The following IFT74 variants were observed in gnomAD, a reference collection of about 807,000 sequenced individuals.
IFT74 encodes intraflagellar transport 74.
IFT74 carries 92 observed loss-of-function variants against 96.7 expected under a neutral mutation model. The observed-to-expected ratio is 0.95, with a 90% CI of 0.80 to 1.13. The LOEUF is 1.13. IFT74 is among the 50% of genes most tolerant of loss of function. IFT74 has a pLI of 0.00. For missense variants in IFT74, 811 were observed against 698.2 expected (o/e 1.16, Z -1.82); for synonymous variants, 223 against 213.2 (o/e 1.05, Z -0.40).
intron 10 of IFT74, among the ~76,000 whole-genome samples, chr9:27,014,220 A>T (rs992004086): frequency 6.6e-6 from 1 of 152,202 alleles, no homozygotes; most frequent in Non-Finnish European, 1.5e-5. Flanking sequence ...GTCTAAAAAA[A>T]GTAAAAAAAA....
rs574417761 is a variant in IFT74, at chr9:27,042,271, A to G, written c.1055-2471A>G. 9.2e-5 allele frequency among the ~76,000 whole-genome samples: 14 copies of G among 152,310 alleles called. No homozygotes were observed. In the East Asian group the frequency reaches 2.7e-3, roughly 29 times the overall value. ...AAGAATGTATGAAATTGCCATGGAT[A>G]TAGCGTTAGAAGTTCATTAAGAACA... On this transcript the variant is annotated intron_variant, in intron 13 of 19. Transcript: ENST00000380062.
rs568792545 is a variant in IFT74, at chr9:26,970,197, T to A, written c.121-7931T>A. Reference sequence around the variant, plus strand: ...GGCATTGCAAAAATGACTTTTTCTTTGCAGTGACTTCACCTATTTAATATT... The same window carrying A: ...GGCATTGCAAAAATGACTTTTTCTTAGCAGTGACTTCACCTATTTAATATT... On this transcript the variant is annotated intron_variant, in intron 2 of 19. Transcript: ENST00000380062. Among the ~76,000 whole-genome samples, 3 of 152,326 alleles carry A rather than the reference T, an allele frequency of 2.0e-5. No homozygotes were observed. In the East Asian group the frequency reaches 5.8e-4, roughly 29 times the overall value.
At chr9:27,042,145 G>A (rs1425168617) in intron 13 of IFT74, among the ~76,000 whole-genome samples, 1 of 152,122 alleles carries the variant, frequency 6.6e-6, no homozygotes, top group Non-Finnish European at 1.5e-5. Flanking sequence ...ACTGAGTTAG[G>A]ATGTCCTGAA....
chr9:27,025,369 G>A (rs1829809327), intron 12 of IFT74, among the ~76,000 whole-genome samples: 1 of 151,052 alleles, frequency 6.6e-6, no homozygotes, highest in South Asian at 2.1e-4. Context: ...CTTGAACCTG[G>A]GAGGTGGAGG....
chr9:26,974,632 C>T (rs965508634), intron 2 of IFT74, among the ~76,000 whole-genome samples: 38 of 151,976 alleles, frequency 2.5e-4, no homozygotes, highest in Admixed American at 2.2e-3. Flanking sequence ...ATTTTTGGTC[C>T]GCGGTAGGGA....
At chr9:26,971,445 A>T (rs890176530) in intron 2 of IFT74, among the ~76,000 whole-genome samples, 1 of 152,146 alleles carries the variant, frequency 6.6e-6, no homozygotes, top group Non-Finnish European at 1.5e-5. Context: ...GACCTCCCTC[A>T]TGAGAGGTTT....
intron 13 of IFT74, among the ~76,000 whole-genome samples, chr9:27,043,869 A>G (rs1278833844): frequency 1.3e-5 from 2 of 152,122 alleles, no homozygotes; most frequent in African/African-American, 4.8e-5. Context: ...TCTTTCACCC[A>G]GATTATCCTG....
At chr9:27,058,893 T>A (rs1437299142) in intron 18 of IFT74, among the ~76,000 whole-genome samples, 1 of 152,244 alleles carries the variant, frequency 6.6e-6, no homozygotes, top group Non-Finnish European at 1.5e-5. Context: ...TATAGACTTA[T>A]AATTGACACA....
chr9:27,066,070 T>C lies in IFT74; in HGVS notation c.*3334T>C, dbSNP rs987143973. On this transcript the variant is annotated 3_prime_UTR_variant, in exon 20 of 20. Transcript: ENST00000380062. ...TACGCATCTATATTTATGTCACACATATCTGTTTTATTTATGTATTTATGC... is the reference window on the plus strand; with the variant it reads ...TACGCATCTATATTTATGTCACACACATCTGTTTTATTTATGTATTTATGC... 6.6e-6 allele frequency among the ~76,000 whole-genome samples: 1 copy of C among 152,248 alleles called. No homozygotes were observed. The highest frequency in any genetic ancestry group is 2.4e-5 in the African/African-American group (1 of 41,468).
intron 8 of IFT74, among the ~76,000 whole-genome samples, chr9:27,006,237 A>G (rs1183852946): frequency 6.6e-6 from 1 of 152,204 alleles, no homozygotes; most frequent in Non-Finnish European, 1.5e-5. Flanking sequence ...GAAAATGCAT[A>G]CTTTTGAAAG....
At chr9:26,950,310 C>CAA (rs768360968) in intron 1 of IFT74, among the ~76,000 whole-genome samples, 6,021 of 123,986 alleles carry the variant, frequency 0.049, 175 homozygotes, top group South Asian at 0.12. Flanking sequence ...GACTCTGTCT[C>CAA]AAAAAAAAAA....
intron 8 of IFT74, chr9:26,992,992 A>G (rs1731993552): frequency 6.6e-6 from 1 of 152,240 alleles, no homozygotes; most frequent in South Asian, 2.1e-4. Context: ...ATATTACAAC[A>G]ACAATATGTA....
At chr9:26,975,657 C>T (rs116698655) in intron 2 of IFT74, among the ~76,000 whole-genome samples, 5,817 of 152,208 alleles carry the variant, frequency 0.038, 134 homozygotes, top group Middle Eastern at 0.065. Context: ...TAGGCCTTTC[C>T]CTGGAGCTTC....
In IFT74 at chr9:27,055,756, G is replaced by T. The variant is rs753783273; in HGVS notation, c.1481G>T (p.Gly494Val). The change falls in exon 17 of 20, where the codon GGT becomes GTT. Residue 494 changes from glycine to valine, a missense_variant. By Grantham distance (109) the Gly-to-Val change is moderately radical. Transcript: ENST00000380062. ...GATTTGCCAGCTTTAAAATCATCAG[G>T]TGAAGAAAAGATAAAGGTAAATGTT... ...YNDLPALKSS[G>V]EEKIKKLHQE... The T allele has an allele frequency of 1.3e-6, 2 of 1,540,196 alleles. No homozygotes were observed. Among genetic ancestry groups the T allele is most frequent in the Non-Finnish European group, 1.7e-6 (2 of 1,151,228 alleles).
chr9:27,028,883 T>A (rs1364126115), intron 12 of IFT74, 142 bp from the exon 13 acceptor site: 1 of 689,776 alleles, frequency 1.4e-6, no homozygotes. Flanking sequence ...TCATCGTCAG[T>A]TATAGTATTG....
intron 4 of IFT74, among the ~76,000 whole-genome samples, chr9:26,981,003 G>A (rs567222029): frequency 1.3e-5 from 2 of 152,226 alleles, no homozygotes; most frequent in Admixed American, 1.3e-4. Flanking sequence ...GTGTCTGGTG[G>A]GCACCTGTTT....
rs867895692 is a variant in IFT74, at chr9:27,005,363, C to A, written c.588-3657C>A. 2.4e-4 allele frequency among the ~76,000 whole-genome samples: 24 copies of A among 99,144 alleles called. 3 individuals are homozygous for A. Among genetic ancestry groups the A allele is most frequent in the Non-Finnish European group, 3.6e-4 (17 of 47,190 alleles). 65.0% of individuals were successfully genotyped at this position (99,144 alleles called of 152,430 possible). ...TAGATGAAACCATTTCCCCCCCCGCCCCCCGCAAAACAATTACTTAGTATT... is the reference window on the plus strand; with the variant it reads ...TAGATGAAACCATTTCCCCCCCCGCACCCCGCAAAACAATTACTTAGTATT... On this transcript the variant is annotated intron_variant, in intron 8 of 19. Coordinates refer to ENST00000380062, the MANE Select transcript of IFT74 (RefSeq NM_025103.4).
intron 19 of IFT74, 91 bp downstream of exon 19, chr9:27,060,742 A>T: frequency 1.2e-6 from 1 of 800,572 alleles, no homozygotes; most frequent in Non-Finnish European, 2.0e-6. Flanking sequence ...GTGGGCCACA[A>T]GGTCAGGAGA....
chr9:26,953,782 T>G (rs1333432430), upstream of IFT74, among the ~76,000 whole-genome samples: 3 of 140,430 alleles, frequency 2.1e-5, no homozygotes, highest in Non-Finnish European at 4.6e-5. Context: ...AATGTTGGGA[T>G]TAGAGGCATG....
Sources: allele counts gnomAD v4.1 joint callset (sites outside exome capture counted in the v4.1 genomes callset), GRCh38; gene constraint gnomAD v4.1.1; transcripts MANE v1.5; gene names NCBI Gene and HGNC (gene_info 2026-07-23, HGNC 2026-07-21).